Variants in EXOC2 observed in about 807,000 individuals in gnomAD.
EXOC2 encodes SEC5-like 1.
A neutral mutation model predicts 131.8 loss-of-function variants in EXOC2; 70 were observed. That is an observed-to-expected ratio of 0.53 (90% CI 0.44 to 0.65). EXOC2 has a LOEUF of 0.65. EXOC2 is among the 30% of genes least tolerant of loss of function. The probability of loss-of-function intolerance (pLI) is 0.00; values close to 1 mark genes in which losing one functional copy is unlikely to be tolerated. For missense variants in EXOC2, 923 were observed against 1,108.6 expected, an observed-to-expected ratio of 0.83 and a Z score of 2.38; for synonymous variants, 411 against 398.4, an observed-to-expected ratio of 1.03 and a Z score of -0.38.
At chr6:586,299 T>C (rs1759203353) in intron 11 of EXOC2, among the ~76,000 whole-genome samples, 1 of 152,174 alleles carries the variant, frequency 6.6e-6, no homozygotes, top group South Asian at 2.1e-4. Context: ...CCAATGTATG[T>C]GCCATGAGTT....
intron 22 of EXOC2, among the ~76,000 whole-genome samples, chr6:541,674 G>C (rs2127554925): frequency 6.6e-6 from 1 of 152,324 alleles, no homozygotes; most frequent in Admixed American, 6.5e-5. Context: ...TACGCCAACA[G>C]ATTTGAAAAT....
At chr6:541,825 C>G (rs992369906) in intron 22 of EXOC2, among the ~76,000 whole-genome samples, 1 of 152,078 alleles carries the variant, frequency 6.6e-6, no homozygotes, top group African/African-American at 2.4e-5. Flanking sequence ...TCTGGGCATA[C>G]GGAAAATACC....
chr6:614,159 T>A (rs908541712), intron 6 of EXOC2, among the ~76,000 whole-genome samples: 14 of 151,378 alleles, frequency 9.2e-5, no homozygotes, highest in Non-Finnish European at 1.3e-4. Flanking sequence ...CTGATAAGAG[T>A]GTCTTTGTTT....
chr6:507,329 C>G (rs1457249756), intron 23 of EXOC2, among the ~76,000 whole-genome samples: 1 of 49,126 alleles, frequency 2.0e-5, no homozygotes, highest in African/African-American at 5.6e-5. Flanking sequence ...AAAGAAGTGA[C>G]CCCCCCCACA....
At chr6:585,333 G>A (rs74998508) in intron 11 of EXOC2, among the ~76,000 whole-genome samples, 17,746 of 152,212 alleles carry the variant, frequency 0.12, 1,201 homozygotes, top group Non-Finnish European at 0.15. Context: ...CATGTGGAGC[G>A]TTTGGGGGTA....
intron 6 of EXOC2, 114 bp from the exon 7 acceptor site, chr6:610,292 A>C: frequency 2.3e-6 from 2 of 882,332 alleles, no homozygotes; most frequent in Non-Finnish European, 3.5e-6. Flanking sequence ...TTCACTGCTG[A>C]AAAGCAGCAA....
chr6:554,604 G>T (rs761438968), intron 20 of EXOC2, among the ~76,000 whole-genome samples: 15 of 152,230 alleles, frequency 9.9e-5, no homozygotes, highest in Middle Eastern at 6.8e-3. Context: ...AGACAAACAT[G>T]GATAAATTCC....
chr6:527,825 TTAAA>T lies in EXOC2; in HGVS notation c.2380+4640_2380+4643del, dbSNP rs568238966. Among the ~76,000 whole-genome samples the T allele has an allele frequency of 3.3e-5, 5 of 152,342 alleles. No individual in the cohort carries two copies. In the South Asian group the frequency reaches 8.3e-4, roughly 25 times the overall value. On this transcript the variant is annotated intron_variant, in intron 23 of 27. Transcript: ENST00000230449. ...GTTTAGATTCACTTAGTAAATAACT[TTAAA>T]TAATATACATTAATTTAAATTTTTA...
intron 1 of EXOC2, among the ~76,000 whole-genome samples, chr6:692,233 T>C (rs537133329): frequency 6.6e-6 from 1 of 152,352 alleles, no homozygotes; most frequent in East Asian, 1.9e-4. Context: ...TTTCTCAGAC[T>C]TATTAGTATG....
chr6:514,077 C>T (rs147890270), intron 23 of EXOC2, among the ~76,000 whole-genome samples: 6 of 152,320 alleles, frequency 3.9e-5, no homozygotes, highest in Non-Finnish European at 7.4e-5. Flanking sequence ...TGCTCCTTGA[C>T]GGCTGTAGAC....
At chr6:572,785 G>T (rs754702659) in intron 12 of EXOC2, 141 bp from the exon 13 acceptor site, 95 of 1,052,162 alleles carry the variant, frequency 9.0e-5, no homozygotes, top group Non-Finnish European at 1.2e-4. Flanking sequence ...GACGCTCGCG[G>T]CCCACCTGGC....
At chr6:526,051 TTTAC>T (rs1231507567) in intron 23 of EXOC2, among the ~76,000 whole-genome samples, 5 of 152,244 alleles carry the variant, frequency 3.3e-5, no homozygotes, top group South Asian at 2.1e-4. Context: ...TACATAATTC[TTTAC>T]TTACTTCTGT....
chr6:532,414 T>C, intron 23 of EXOC2, 55 bp downstream of exon 23: 1 of 1,397,738 alleles, frequency 7.2e-7, no homozygotes, highest in Non-Finnish European at 9.4e-7. Context: ...TTCAAGCAAG[T>C]ATCAATTGAT....
rs1318387935 is a variant in EXOC2, at chr6:671,855, T to A, written c.-44+21164A>T. 2.6e-5 allele frequency among the ~76,000 whole-genome samples: 4 copies of A among 152,110 alleles called. No homozygotes were observed. The South Asian group carries it at 6.2e-4, about 24-fold the overall frequency. Reference sequence around the variant, plus strand: ...CAGCTTCCTTCAGTATCCTTCAGTATTTTTTATATTTTTCTACAGTTTGAA... The same window carrying A: ...CAGCTTCCTTCAGTATCCTTCAGTAATTTTTATATTTTTCTACAGTTTGAA... On this transcript the variant is annotated intron_variant, in intron 1 of 27. Coordinates refer to ENST00000230449, the MANE Select transcript of EXOC2 (RefSeq NM_018303.6).
intron 1 of EXOC2, among the ~76,000 whole-genome samples, chr6:684,184 AG>A (rs1408244276): frequency 6.6e-6 from 1 of 151,674 alleles, no homozygotes; most frequent in African/African-American, 2.4e-5. Context: ...GAGGTTAGGG[AG>A]GGGGAGACAG....
chr6:509,581 G>C (rs74869703), intron 23 of EXOC2, among the ~76,000 whole-genome samples: 2 of 151,940 alleles, frequency 1.3e-5, no homozygotes, highest in Non-Finnish European at 2.9e-5. Context: ...ATTTTAATAC[G>C]AAAATTGAAG....
At chr6:488,182 C>T (rs1763196629) in intron 27 of EXOC2, among the ~76,000 whole-genome samples, 1 of 152,190 alleles carries the variant, frequency 6.6e-6, no homozygotes. Flanking sequence ...CTCTGTGCGT[C>T]GATGCCATGT....
chr6:491,968 G>A (rs1763459694), intron 25 of EXOC2, among the ~76,000 whole-genome samples: 1 of 152,242 alleles, frequency 6.6e-6, no homozygotes, highest in Non-Finnish European at 1.5e-5. Context: ...ACATGCAGAA[G>A]AATGAAGTTG....
chr6:583,669 A>G (rs1399077913), intron 11 of EXOC2, among the ~76,000 whole-genome samples: 1 of 152,252 alleles, frequency 6.6e-6, no homozygotes, highest in Non-Finnish European at 1.5e-5. Context: ...CTGTGTGCAC[A>G]TACGCTGCAT....
Sources: gnomAD v4.1 joint callset for allele counts (sites outside exome capture counted in the v4.1 genomes callset) on GRCh38, gnomAD v4.1.1 for gene constraint, MANE v1.5 for transcripts, NCBI Gene and HGNC (gene_info 2026-07-23, HGNC 2026-07-21) for gene names.